BANP: variants seen among roughly 807,000 people sequenced by gnomAD.
BANP encodes the protein protein BANP.
A neutral mutation model predicts 68.1 loss-of-function variants in BANP; 11 were observed. The observed-to-expected ratio is 0.16, with a 90% CI of 0.10 to 0.27. The LOEUF is 0.27. BANP is among the 10% of genes least tolerant of loss of function. The pLI is 1.00. For missense variants in BANP, 504 were observed against 722.7 expected (o/e 0.70, Z 3.47); for synonymous variants, 329 against 303.2 (o/e 1.09, Z -0.88).
intron 9 of BANP, among the ~76,000 whole-genome samples, chr16:88,034,058 CATG>C (rs1239237215): frequency 1.3e-5 from 2 of 152,208 alleles, no homozygotes; most frequent in African/African-American, 4.8e-5. Context: ...CTCCTGGAAA[CATG>C]GTCCTCCACT....
intron 1 of BANP, among the ~76,000 whole-genome samples, chr16:87,955,476 A>G (rs8058503): frequency 0.092 from 14,051 of 152,264 alleles, 834 homozygotes; most frequent in Non-Finnish European, 0.13. Flanking sequence ...TTATGTAACC[A>G]GGCATCCATA....
rs1260089252 is a variant in BANP, at chr16:88,057,866, G to A, written c.1312-7401G>A. Among the ~76,000 whole-genome samples, 2 of 151,970 alleles carry A rather than the reference G, an allele frequency of 1.3e-5. No homozygotes were observed. The highest frequency in any genetic ancestry group is 2.4e-5 in the African/African-American group (1 of 41,328). Reference sequence around the variant, plus strand: ...AGTGAGGAGGTGCGGGGCACGCAGCGAGCACTTTCCGGACAGTGCGGTGCG... The same window carrying A: ...AGTGAGGAGGTGCGGGGCACGCAGCAAGCACTTTCCGGACAGTGCGGTGCG... On this transcript the variant is annotated intron_variant, in intron 11 of 13. Transcript: ENST00000682872. The surrounding 1 kb of genome is among the most constrained non-coding windows in gnomAD (Gnocchi z 4.6).
chr16:87,952,655 C>G (rs540262053), intron 1 of BANP: 1 of 152,206 alleles, frequency 6.6e-6, no homozygotes, highest in Non-Finnish European at 1.5e-5. Context: ...TCGCAGATAT[C>G]CAGTGCTAGA....
intron 7 of BANP, among the ~76,000 whole-genome samples, chr16:88,026,865 G>T (rs373031485): frequency 1.3e-5 from 2 of 152,212 alleles, no homozygotes; most frequent in East Asian, 3.9e-4. Flanking sequence ...TTGTGAGGGG[G>T]ACAGAGTAAC....
intron 11 of BANP, among the ~76,000 whole-genome samples, chr16:88,059,987 G>A (rs983683473): frequency 2.0e-5 from 3 of 152,254 alleles, no homozygotes; most frequent in Non-Finnish European, 2.9e-5. Flanking sequence ...GGGGTTCTCC[G>A]TGTAGTGTGT....
chr16:87,976,103 T>C (rs2062070788), intron 2 of BANP, among the ~76,000 whole-genome samples: 1 of 152,242 alleles, frequency 6.6e-6, no homozygotes, highest in Admixed American at 6.5e-5. Flanking sequence ...TTCAGAGGGC[T>C]CCTGGCATAG....
intron 1 of BANP, among the ~76,000 whole-genome samples, chr16:87,973,651 C>G (rs1434336291): frequency 6.7e-6 from 1 of 149,634 alleles, no homozygotes; most frequent in Non-Finnish European, 1.5e-5. Flanking sequence ...CCCAGCTACT[C>G]AGGAAGCTGA....
At chr16:87,958,623 A>C (rs993321545) in intron 1 of BANP, among the ~76,000 whole-genome samples, 1 of 152,084 alleles carries the variant, frequency 6.6e-6, no homozygotes, top group African/African-American at 2.4e-5. Context: ...CGAGCCCGGG[A>C]ATTGGAGGCT....
At chr16:88,023,129 A>T (rs923516152) in intron 7 of BANP, among the ~76,000 whole-genome samples, 1 of 152,106 alleles carries the variant, frequency 6.6e-6, no homozygotes, top group African/African-American at 2.4e-5. Context: ...TTGTCTGTGT[A>T]TCTTGGGACA....
intron 11 of BANP, among the ~76,000 whole-genome samples, chr16:88,044,830 A>G (rs1013294166): frequency 6.6e-6 from 1 of 152,180 alleles, no homozygotes; most frequent in African/African-American, 2.4e-5. Context: ...AAAAATGCAA[A>G]AAATTAGCCG....
In BANP at chr16:88,076,843, C is replaced by G; in HGVS notation, c.*182C>G. 1.7e-6 allele frequency: 1 copy of G among 587,610 alleles called. No homozygotes were observed. The highest frequency in any genetic ancestry group is 2.9e-5 in the East Asian group (1 of 34,058). The allele number at this position is 587,610 out of a possible 1,614,324, so 36.4% of individuals were successfully genotyped here. ...ACTGAAAGAGCAGCCGCCGCCGCCCCCAGCCGGAGACCCCTTTCGTTTGAG... is the reference window on the plus strand; with the variant it reads ...ACTGAAAGAGCAGCCGCCGCCGCCCGCAGCCGGAGACCCCTTTCGTTTGAG... On this transcript the variant is annotated 3_prime_UTR_variant, in exon 14 of 14. Coordinates refer to ENST00000682872, the MANE Select transcript of BANP (RefSeq NM_001386991.1).
At chr16:87,961,757 C>T (rs940890718) in intron 1 of BANP, among the ~76,000 whole-genome samples, 3 of 152,134 alleles carry the variant, frequency 2.0e-5, no homozygotes, top group African/African-American at 7.2e-5. Context: ...ATCATGAGGG[C>T]TCAGCCCTCA....
chr16:88,047,868 A>C lies in BANP; in HGVS notation c.1311+9857A>C, dbSNP rs373007872. 3.9e-5 allele frequency among the ~76,000 whole-genome samples: 6 copies of C among 152,282 alleles called. No individual in the cohort carries two copies. The East Asian group carries it at 7.7e-4, about 20-fold the overall frequency. On this transcript the variant is annotated intron_variant, in intron 11 of 13. Transcript: ENST00000682872. ...GGGTTTGACTGTGCTTTCTTTTTACACTGCTATGACTATGTCCTGTCACTT... is the reference window on the plus strand; with the variant it reads ...GGGTTTGACTGTGCTTTCTTTTTACCCTGCTATGACTATGTCCTGTCACTT...
intron 3 of BANP, 143 bp downstream of exon 3, chr16:87,981,270 G>A (rs1223175345): frequency 3.0e-6 from 2 of 670,012 alleles, no homozygotes; most frequent in Admixed American, 2.3e-5. Context: ...ATGCAGGCAG[G>A]GTCTCGCTCC....
intron 11 of BANP, among the ~76,000 whole-genome samples, chr16:88,043,858 A>C (rs2081361647): frequency 6.6e-6 from 1 of 151,972 alleles, no homozygotes; most frequent in South Asian, 2.1e-4. Context: ...AATTTGGTGC[A>C]GATTTTCAGA....
chr16:88,048,105 T>C (rs1319902223), intron 11 of BANP, among the ~76,000 whole-genome samples: 1 of 152,230 alleles, frequency 6.6e-6, no homozygotes, highest in Non-Finnish European at 1.5e-5. Context: ...GACTTTGTCA[T>C]ACCAGTTTTT....
At position 88,076,839 on chromosome 16, in the gene BANP, G is replaced by C. The variant is rs1449517537; in HGVS notation, c.*178G>C. 1.2e-5 allele frequency: 7 copies of C among 590,214 alleles called. No homozygotes were observed. The highest frequency in any genetic ancestry group is 1.8e-5 in the Non-Finnish European group (6 of 340,688). The allele number at this position is 590,214 out of a possible 1,614,324, so 36.6% of individuals were successfully genotyped here. ...ATCAACTGAAAGAGCAGCCGCCGCC[G>C]CCCCCAGCCGGAGACCCCTTTCGTT... On this transcript the variant is annotated 3_prime_UTR_variant, in exon 14 of 14. Transcript: ENST00000682872.
In BANP at chr16:88,004,421, A is replaced by G; in HGVS notation, c.479+10A>G. The G allele has an allele frequency of 7.0e-7, 1 of 1,422,380 alleles. No individual in the cohort carries two copies. The allele number at this position is 1,422,380 out of a possible 1,614,324, so 88.1% of individuals were successfully genotyped here. On this transcript the variant is annotated intron_variant, in intron 5 of 13. Coordinates refer to ENST00000682872, the MANE Select transcript of BANP (RefSeq NM_001386991.1). This position sits in a 1 kb window ranked among gnomAD's most constrained non-coding sequence, Gnocchi z 7.0. ...AAAATGTCATTAGCAAGTCAGTAGC[A>G]CGGCACCAACCCCACCTTTCCCTGC...
chr16:88,030,658 G>A (rs1203286417), intron 8 of BANP, among the ~76,000 whole-genome samples: 1 of 152,230 alleles, frequency 6.6e-6, no homozygotes, highest in African/African-American at 2.4e-5. Flanking sequence ...TAGACTCAGA[G>A]CATTTGCACA....
Sources: gnomAD v4.1 joint callset for allele counts (sites outside exome capture counted in the v4.1 genomes callset) on GRCh38, gnomAD v4.1.1 for gene constraint, Gnocchi (gnomAD v3.1) non-coding constraint, MANE v1.5 for transcripts, NCBI Gene and HGNC (gene_info 2026-07-23, HGNC 2026-07-21) for gene names.